DOCK1: variants seen among roughly 807,000 people sequenced by gnomAD.
The protein encoded by DOCK1 is dedicator of cytokinesis protein 1.
A neutral mutation model predicts 262.7 loss-of-function variants in DOCK1; 138 were observed. That is an observed-to-expected ratio of 0.53 (90% CI 0.46 to 0.61). The LOEUF (loss-of-function observed/expected upper bound fraction) is 0.61. Ranked by LOEUF, DOCK1 falls within the 20% of genes least tolerant of loss-of-function variation. The probability of loss-of-function intolerance (pLI) is 0.00; values close to 1 mark genes in which losing one functional copy is unlikely to be tolerated. For missense variants in DOCK1, 1,908 were observed against 2,370.7 expected, an observed-to-expected ratio of 0.80 and a Z score of 4.05; for synonymous variants, 866 against 867.4, an observed-to-expected ratio of 1.00 and a Z score of 0.03.
chr10:126,912,162 C>T lies in DOCK1; in HGVS notation c.46+6599C>T, dbSNP rs368654522. Among the ~76,000 whole-genome samples the T allele has an allele frequency of 2.4e-4, 37 of 152,310 alleles. No homozygotes were observed. The East Asian group carries it at 6.4e-3, about 26-fold the overall frequency. ...AGGCCACTATGGCCAGCCTCGGTGG[C>T]TCACACCTGTAATCCCAGCATTTTG... On this transcript the variant is annotated intron_variant, in intron 1 of 51. Transcript: ENST00000623213.
At chr10:127,316,065 A>G (rs762218538) in intron 29 of DOCK1, among the ~76,000 whole-genome samples, 3 of 152,176 alleles carry the variant, frequency 2.0e-5, no homozygotes, top group African/African-American at 4.8e-5. Flanking sequence ...AAGGCCTACA[A>G]TGGGATGTGT....
chr10:127,264,876 G>T (rs935090895), intron 29 of DOCK1, among the ~76,000 whole-genome samples: 1 of 152,082 alleles, frequency 6.6e-6, no homozygotes, highest in Non-Finnish European at 1.5e-5. Flanking sequence ...GCCATATGGC[G>T]CAGGCTGGTC....
At chr10:126,985,336 A>G (rs1393684978) in intron 4 of DOCK1, among the ~76,000 whole-genome samples, 1 of 152,214 alleles carries the variant, frequency 6.6e-6, no homozygotes, top group Non-Finnish European at 1.5e-5. Flanking sequence ...TCTTACCAGC[A>G]GCCCTATGAG....
At chr10:127,052,500 G>C (rs982084677) in intron 21 of DOCK1, among the ~76,000 whole-genome samples, 181 bp from the exon 22 acceptor site, 3 of 148,978 alleles carry the variant, frequency 2.0e-5, no homozygotes, top group Admixed American at 6.8e-5. Flanking sequence ...CTCCATCCTG[G>C]GTGACAGGGT....
intron 1 of DOCK1, among the ~76,000 whole-genome samples, chr10:126,950,207 TC>T: frequency 6.6e-6 from 1 of 152,230 alleles, no homozygotes; most frequent in South Asian, 2.1e-4. Flanking sequence ...TTACAGCTTT[TC>T]CTAGTTGTGT....
intron 1 of DOCK1, among the ~76,000 whole-genome samples, chr10:126,919,550 G>A (rs538341390): frequency 2.0e-5 from 3 of 152,276 alleles, no homozygotes; most frequent in African/African-American, 7.2e-5. Flanking sequence ...AGGGGAAGGG[G>A]AGGTGGGGGT....
intron 29 of DOCK1, among the ~76,000 whole-genome samples, chr10:127,280,869 AACTTTACCAT>A: frequency 6.6e-6 from 1 of 152,134 alleles, no homozygotes; most frequent in African/African-American, 2.4e-5. Flanking sequence ...GAATATTTTC[AACTTTACCAT>A]TGGTAAAATA....
intron 27 of DOCK1, among the ~76,000 whole-genome samples, chr10:127,159,898 G>T (rs1017377046): frequency 6.6e-6 from 1 of 152,144 alleles, no homozygotes; most frequent in Non-Finnish European, 1.5e-5. Flanking sequence ...CGGGAGGGCT[G>T]GACGGCATCT....
At chr10:126,927,106 A>T (rs1185894711) in intron 1 of DOCK1, among the ~76,000 whole-genome samples, 1 of 152,164 alleles carries the variant, frequency 6.6e-6, no homozygotes, top group Non-Finnish European at 1.5e-5. Context: ...TCATTGAGGA[A>T]ATAAGGCTCA....
intron 1 of DOCK1, among the ~76,000 whole-genome samples, chr10:126,945,477 G>C (rs1326519791): frequency 2.0e-5 from 3 of 151,850 alleles, no homozygotes; most frequent in Non-Finnish European, 4.4e-5. Context: ...GAGAGGGAGA[G>C]AGAGAGAGAG....
At chr10:127,091,498 T>G (rs994110663) in intron 23 of DOCK1, among the ~76,000 whole-genome samples, 2 of 152,230 alleles carry the variant, frequency 1.3e-5, no homozygotes, top group Non-Finnish European at 2.9e-5. Context: ...ACACAGGTGC[T>G]ATCTTTCACG....
chr10:127,442,874 T>A (rs2070274215), intron 49 of DOCK1, among the ~76,000 whole-genome samples: 1 of 152,216 alleles, frequency 6.6e-6, no homozygotes, highest in Admixed American at 6.5e-5. Flanking sequence ...ACTCAGCCAC[T>A]TTTGCATCTA....
chr10:127,446,402 C>T lies in DOCK1; in HGVS notation c.5414-992C>T, dbSNP rs139314039. 2.3e-3 allele frequency among the ~76,000 whole-genome samples: 348 copies of T among 152,222 alleles called. 3 individuals are homozygous for T. Among genetic ancestry groups the T allele is most frequent in the African/African-American group, 7.9e-3 (327 of 41,550 alleles). ...ACATCATGGTGATGGTTATCCCCCA[C>T]GGTCGATGTGATTAATGCCACCAAA... On this transcript the variant is annotated intron_variant, in intron 50 of 51. Coordinates refer to ENST00000623213, the MANE Select transcript of DOCK1 (RefSeq NM_001290223.2). The surrounding 1 kb of genome is among the most constrained non-coding windows in gnomAD (Gnocchi z 4.4).
intron 27 of DOCK1, among the ~76,000 whole-genome samples, chr10:127,188,714 T>A (rs1280574899): frequency 1.3e-5 from 2 of 152,202 alleles, no homozygotes; most frequent in Admixed American, 6.5e-5. Flanking sequence ...GGGCAAGTGA[T>A]CTAACCTGGG....
In DOCK1 at chr10:127,010,606, C is replaced by T. The variant is rs148913969; in HGVS notation, c.1059-1626C>T. 3.1e-3 allele frequency among the ~76,000 whole-genome samples: 474 copies of T among 152,310 alleles called. 1 individual carries two copies. Among genetic ancestry groups the T allele is most frequent in the African/African-American group, 0.01 (423 of 41,568 alleles). ...CATACATAGCACATCTCCAGCACTG[C>T]AGAAAGCTCTGCTGGATTATGTTGT... On this transcript the variant is annotated intron_variant, in intron 11 of 51. Transcript: ENST00000623213.
Position 127,339,162 on chromosome 10 carries a change from G to A in DOCK1, c.3123+78G>A. On this transcript the variant is annotated intron_variant, in intron 30 of 51. Transcript: ENST00000623213. ...TGCTGGTCCGAGCCAGTATCTTACA[G>A]TATTTCTAATCCTTGAACTTAATTG... 2.3e-6 allele frequency: 3 copies of A among 1,279,338 alleles called. No individual in the cohort carries two copies. The East Asian group carries it at 7.6e-5, about 32-fold the overall frequency. 79.2% of individuals were successfully genotyped at this position (1,279,338 alleles called of 1,614,324 possible).
chr10:127,257,451 C>G (rs1435308469), intron 29 of DOCK1, 22 bp downstream of exon 29: 4 of 1,571,380 alleles, frequency 2.5e-6, no homozygotes, highest in Non-Finnish European at 3.5e-6. Flanking sequence ...GAAAACGGCT[C>G]TCACCTTTTC....
chr10:126,940,471 T>G (rs1219130929), intron 1 of DOCK1, among the ~76,000 whole-genome samples: 4 of 152,222 alleles, frequency 2.6e-5, no homozygotes, highest in Non-Finnish European at 5.9e-5. Flanking sequence ...TGGTATAATC[T>G]CGGCTCACTG....
Position 127,257,612 on chromosome 10 carries a change from T to A in DOCK1, c.3044+183T>A, listed in dbSNP as rs1271164476. 6.3e-6 allele frequency: 3 copies of A among 476,230 alleles called. No homozygotes were observed. In the East Asian group the frequency reaches 9.4e-5, roughly 15 times the overall value. 29.5% of individuals were successfully genotyped at this position (476,230 alleles called of 1,614,324 possible). The stretch of plus-strand genomic sequence containing the variant: ...CTCTGAGTTTGTGGTGACTTCCTTA[T>A]GACAACACAGGGCTCTGGCTCTAAG... On this transcript the variant is annotated intron_variant, in intron 29 of 51. Transcript: ENST00000623213.
Sources: gnomAD v4.1 joint callset for allele counts (sites outside exome capture counted in the v4.1 genomes callset) on GRCh38, gnomAD v4.1.1 for gene constraint, Gnocchi (gnomAD v3.1) non-coding constraint, MANE v1.5 for transcripts, NCBI Gene and HGNC (gene_info 2026-07-23, HGNC 2026-07-21) for gene names.